DPP4: variants seen among roughly 807,000 people sequenced by gnomAD.
DPP4 encodes ADCP-2.
DPP4 carries 93 observed loss-of-function variants against 122.4 expected under a neutral mutation model. That is an observed-to-expected ratio of 0.76 (90% CI 0.64 to 0.90). DPP4 has a LOEUF of 0.90. Among genes scored for constraint, DPP4 ranks in the 40% least tolerant of loss-of-function variants. The pLI, the probability that DPP4 is intolerant of heterozygous loss-of-function variation, is 0.00. For synonymous variants in DPP4, 321 were observed against 302.9 expected, an observed-to-expected ratio of 1.06 and a Z score of -0.62; for missense variants, 914 against 907.3, an observed-to-expected ratio of 1.01 and a Z score of -0.09.
At chr2:162,034,887 A>G (rs543716270) in intron 9 of DPP4, among the ~76,000 whole-genome samples, 1 of 152,024 alleles carries the variant, frequency 6.6e-6, no homozygotes, top group Non-Finnish European at 1.5e-5. Context: ...CCATTCAAGC[A>G]TTTTCATTCC....
chr2:162,050,379 C>T (rs192873027), intron 2 of DPP4, among the ~76,000 whole-genome samples: 40 of 152,178 alleles, frequency 2.6e-4, no homozygotes, highest in Non-Finnish European at 5.4e-4. Flanking sequence ...ATCTGTGAGC[C>T]GCTGCACCAG....
At chr2:162,032,822 A>C (rs1209999331) in intron 10 of DPP4, among the ~76,000 whole-genome samples, 2 of 152,226 alleles carry the variant, frequency 1.3e-5, no homozygotes, top group African/African-American at 4.8e-5. Context: ...GAAAATAAAC[A>C]AGGGGCTGAA....
At chr2:162,030,361 C>T (rs757641192) in intron 10 of DPP4, among the ~76,000 whole-genome samples, 5 of 152,200 alleles carry the variant, frequency 3.3e-5, no homozygotes, top group Non-Finnish European at 5.9e-5. Flanking sequence ...GGGCTTCCAC[C>T]CATTTCTGCT....
intron 2 of DPP4, among the ~76,000 whole-genome samples, chr2:162,054,898 G>A (rs1327705202): frequency 6.6e-6 from 1 of 152,134 alleles, no homozygotes; most frequent in Non-Finnish European, 1.5e-5. Flanking sequence ...ACAAGATAAT[G>A]TATGTCATAT....
chr2:162,070,216 A>G (rs1306673343), intron 2 of DPP4, among the ~76,000 whole-genome samples: 1 of 152,226 alleles, frequency 6.6e-6, no homozygotes, highest in African/African-American at 2.4e-5. Context: ...TTATATACAC[A>G]GAAGAGGGTG....
At chr2:162,025,508 A>G (rs79115159) in intron 10 of DPP4, among the ~76,000 whole-genome samples, 1,619 of 152,352 alleles carry the variant, frequency 0.011, 16 homozygotes, top group East Asian at 0.047. Context: ...GAGTCAAAAC[A>G]TGAACTCTGC....
intron 23 of DPP4, among the ~76,000 whole-genome samples, chr2:161,996,885 A>G (rs1559702840): frequency 2.0e-5 from 3 of 152,224 alleles, no homozygotes; most frequent in Admixed American, 6.5e-5. Context: ...GGGTCTTGGA[A>G]TGTATTCACC....
intron 4 of DPP4, among the ~76,000 whole-genome samples, chr2:162,045,825 T>G (rs1338935114): frequency 2.0e-5 from 3 of 152,172 alleles, no homozygotes; most frequent in Non-Finnish European, 2.9e-5. Context: ...GGATTAATCC[T>G]AAGAGGAAAG....
At chr2:162,063,828 G>C (rs1246565196) in intron 2 of DPP4, among the ~76,000 whole-genome samples, 4 of 152,102 alleles carry the variant, frequency 2.6e-5, no homozygotes, top group Non-Finnish European at 5.9e-5. Context: ...GATGAGGGTG[G>C]AAAAAGACAG....
In DPP4 at chr2:162,018,861, A is replaced by G. The variant is rs772229696; in HGVS notation, c.1299-11T>C. On this transcript the variant is annotated splice_polypyrimidine_tract_variant and intron_variant, in intron 15 of 25. Coordinates refer to ENST00000360534, the MANE Select transcript of DPP4 (RefSeq NM_001935.4). Reference sequence around the variant, plus strand: ...TCACTAAGTTGGATTCTGTAAAACCAACGGTGGAAATTAAGTGCTTGAAGA... The same window carrying G: ...TCACTAAGTTGGATTCTGTAAAACCGACGGTGGAAATTAAGTGCTTGAAGA... The G allele has an allele frequency of 2.5e-6, 4 of 1,613,026 alleles. No homozygotes were observed. Among genetic ancestry groups the G allele is most frequent in the Non-Finnish European group, 3.4e-6 (4 of 1,179,768 alleles).
chr2:161,996,560 G>T (rs955536936), intron 23 of DPP4, among the ~76,000 whole-genome samples: 3 of 152,184 alleles, frequency 2.0e-5, no homozygotes, highest in African/African-American at 7.2e-5. Context: ...TATGCAACTG[G>T]AGGTATGCTG....
chr2:162,044,879 T>C (rs975092551), intron 5 of DPP4, among the ~76,000 whole-genome samples: 3 of 152,104 alleles, frequency 2.0e-5, no homozygotes, highest in African/African-American at 7.2e-5. Flanking sequence ...GGCCCGAAGG[T>C]TGGGAGATGG....
At chr2:162,025,235 G>C (rs529939868) in intron 10 of DPP4, among the ~76,000 whole-genome samples, 227 of 152,226 alleles carry the variant, frequency 1.5e-3, no homozygotes, top group African/African-American at 5.3e-3. Context: ...CAAGTCTTCA[G>C]CTTGGCCTTT....
chr2:162,038,293 A>G lies in DPP4; in HGVS notation c.613+9T>C. The G allele has an allele frequency of 6.5e-7, 1 of 1,537,878 alleles. No individual in the cohort carries two copies. Among genetic ancestry groups the G allele is most frequent in the Non-Finnish European group, 8.7e-7 (1 of 1,148,888 alleles). The stretch of plus-strand genomic sequence containing the variant: ...ATTTTCTGATTTGAAAAAGCTTTAA[A>G]GTTTCTACCTTCATAAACCCAGTCA... On this transcript the variant is annotated intron_variant, in intron 8 of 25. Coordinates refer to ENST00000360534, the MANE Select transcript of DPP4 (RefSeq NM_001935.4).
At position 162,057,644 on chromosome 2, in the gene DPP4, G is replaced by A. The variant is rs550755049; in HGVS notation, c.95-10143C>T. On this transcript the variant is annotated intron_variant, in intron 2 of 25. Transcript: ENST00000360534. ...AGCTAGGGGGATTATAAACCTTAGA[G>A]CTTTGATCTGAGATCTTCTGTGTTC... Among the ~76,000 whole-genome samples, 3 of 152,256 alleles carry A rather than the reference G, an allele frequency of 2.0e-5. No individual in the cohort carries two copies. The South Asian group carries it at 6.2e-4, about 32-fold the overall frequency.
chr2:162,020,475 G>A (rs78191208), intron 13 of DPP4, 106 bp downstream of exon 13: 33,381 of 1,051,838 alleles, frequency 0.032, 1,688 homozygotes, highest in African/African-American at 0.2. Context: ...AAATTAATCT[G>A]ATTTTTATAC....
At chr2:162,059,910 TC>T (rs1217259331) in intron 2 of DPP4, among the ~76,000 whole-genome samples, 2 of 152,236 alleles carry the variant, frequency 1.3e-5, no homozygotes, top group Non-Finnish European at 2.9e-5. Flanking sequence ...ATGGTGTTCT[TC>T]TAGTTTGCTG....
chr2:162,057,863 T>C (rs554810827), intron 2 of DPP4, among the ~76,000 whole-genome samples: 1 of 152,224 alleles, frequency 6.6e-6, no homozygotes, highest in South Asian at 2.1e-4. Flanking sequence ...ACCACTGCCT[T>C]CCAGGTTCAA....
intron 9 of DPP4, 110 bp from the exon 10 acceptor site, chr2:162,033,763 ACAAT>A (rs1683654705): frequency 1.5e-6 from 1 of 647,692 alleles, no homozygotes; most frequent in Non-Finnish European, 2.6e-6. Context: ...TAAAATTATC[ACAAT>A]CAGACATGTT....
Sources: gnomAD v4.1 joint callset for allele counts (sites outside exome capture counted in the v4.1 genomes callset) on GRCh38, gnomAD v4.1.1 for gene constraint, MANE v1.5 for transcripts, NCBI Gene and HGNC (gene_info 2026-07-23, HGNC 2026-07-21) for gene names.